Variants in DMD observed in about 807,000 individuals in gnomAD.
DMD encodes the protein mutant dystrophin.
Under a neutral mutation model 330.1 loss-of-function variants are expected in DMD, and 63 were observed. The ratio of observed to expected loss-of-function variants is 0.19; its 90% CI spans 0.16 to 0.24. The LOEUF (loss-of-function observed/expected upper bound fraction) is 0.24. DMD is among the 10% of genes least tolerant of loss of function. The pLI, the probability that DMD is intolerant of heterozygous loss-of-function variation, is 1.00. For synonymous variants in DMD, 1,223 were observed against 959.8 expected (o/e 1.27, Z -5.07); for missense variants, 3,344 against 2,684.1 (o/e 1.25, Z -5.43).
At chrX:32,967,168 C>A (rs994795848) in intron 2 of DMD, among the ~76,000 whole-genome samples, 2 of 111,704 alleles carry the variant, frequency 1.8e-5, no homozygotes, top group Non-Finnish European at 3.8e-5. Flanking sequence ...TCTCCTCTTT[C>A]ATCCCTCCCA....
intron 43 of DMD, among the ~76,000 whole-genome samples, chrX:32,231,996 T>C (rs1265426133): frequency 9.0e-6 from 1 of 111,471 alleles, no homozygotes; most frequent in African/African-American, 3.3e-5. Context: ...CACACAAATA[T>C]AGTATTATTG....
intron 60 of DMD, among the ~76,000 whole-genome samples, chrX:31,350,630 TGTGAGAGAGAGAGA>T (rs1463195123): frequency 0.02 from 968 of 47,461 alleles, 18 homozygotes; most frequent in African/African-American, 0.063. Context: ...TGTGTGTGTG[TGTGAGAGAGAGAGA>T]GAGAGAGAGA....
intron 1 of DMD, among the ~76,000 whole-genome samples, chrX:33,047,543 A>G (rs1034833900): frequency 1.7e-4 from 19 of 111,275 alleles, no homozygotes; most frequent in Admixed American, 1.3e-3. Flanking sequence ...TCATATTTTT[A>G]GGTTGGACAG....
At chrX:32,611,720 T>C (rs1173605622) in intron 12 of DMD, among the ~76,000 whole-genome samples, 1 of 111,590 alleles carries the variant, frequency 9.0e-6, no homozygotes, top group East Asian at 2.8e-4. Flanking sequence ...CTTTTGGAGC[T>C]CTTCTCCCTG....
intron 4 of DMD, among the ~76,000 whole-genome samples, chrX:32,833,597 CTT>C (rs1373636730): frequency 9.5e-6 from 1 of 105,380 alleles, no homozygotes; most frequent in Non-Finnish European, 1.9e-5. Flanking sequence ...AATTACGTAT[CTT>C]TTATCTGGCA....
At chrX:32,990,193 C>T (rs1230000738) in intron 2 of DMD, among the ~76,000 whole-genome samples, 3 of 111,536 alleles carry the variant, frequency 2.7e-5, no homozygotes, top group African/African-American at 9.8e-5. Flanking sequence ...ATAACATAAA[C>T]TTAAGAGTTT....
chrX:32,442,803 G>T (rs760328537), intron 27 of DMD, among the ~76,000 whole-genome samples: 2 of 110,413 alleles, frequency 1.8e-5, no homozygotes, highest in Admixed American at 1.9e-4. Context: ...GAATACAGAC[G>T]TGACAATGAA....
At chrX:33,107,102 A>G (rs773039922) in intron 1 of DMD, among the ~76,000 whole-genome samples, 1 of 112,043 alleles carries the variant, frequency 8.9e-6, no homozygotes, top group South Asian at 3.7e-4. Context: ...ACCTGAGGTC[A>G]GGAGTTCAAG....
chrX:32,740,817 T>C (rs775627051), intron 7 of DMD, among the ~76,000 whole-genome samples: 9 of 111,394 alleles, frequency 8.1e-5, no homozygotes, highest in Non-Finnish European at 1.7e-4. Context: ...ACTTGCTGGG[T>C]AAAATTTGTT....
intron 7 of DMD, among the ~76,000 whole-genome samples, chrX:32,748,027 C>T (rs1369323844): frequency 1.8e-5 from 2 of 111,275 alleles, no homozygotes; most frequent in Admixed American, 9.6e-5. Context: ...TGGTAATACA[C>T]GTATTTCCCT....
intron 43 of DMD, among the ~76,000 whole-genome samples, chrX:32,283,137 A>C (rs965637700): frequency 1.8e-5 from 2 of 111,678 alleles, no homozygotes; most frequent in Non-Finnish European, 3.8e-5. Flanking sequence ...CAGAGCAAAG[A>C]CATATATAGC....
intron 55 of DMD, among the ~76,000 whole-genome samples, chrX:31,608,315 T>G: frequency 8.9e-6 from 1 of 111,880 alleles, no homozygotes; most frequent in South Asian, 3.7e-4. Context: ...GAAGTGTGTG[T>G]ATCATCTCAA....
intron 43 of DMD, among the ~76,000 whole-genome samples, chrX:32,243,774 G>C (rs1468855708): frequency 9.0e-6 from 1 of 110,615 alleles, no homozygotes; most frequent in Non-Finnish European, 1.9e-5. Flanking sequence ...CCAGCACATC[G>C]ACTCAAGTTA....
intron 51 of DMD, among the ~76,000 whole-genome samples, chrX:31,758,785 CTGT>C (rs2089336867): frequency 8.9e-6 from 1 of 111,925 alleles, no homozygotes; most frequent in African/African-American, 3.2e-5. Flanking sequence ...TTAAGGATGA[CTGT>C]TATTTTGACT....
At chrX:32,121,620 CATATATAT>C (rs10535803) in intron 44 of DMD, among the ~76,000 whole-genome samples, 925 of 36,413 alleles carry the variant, frequency 0.025, 39 homozygotes, top group East Asian at 0.041. Context: ...AATATGTGTG[CATATATAT>C]ATATATATAT....
intron 52 of DMD, among the ~76,000 whole-genome samples, chrX:31,689,266 C>CAAAGTCTCAGGATATA (rs1236338195): frequency 8.0e-5 from 9 of 112,533 alleles, no homozygotes; most frequent in African/African-American, 2.9e-4. Context: ...GCAACTTCAG[C>CAAAGTCTCAGGATATA]AAAGTCTCAG....
At chrX:31,340,537 TA>T (rs1220311364) in intron 61 of DMD, among the ~76,000 whole-genome samples, 2 of 112,660 alleles carry the variant, frequency 1.8e-5, no homozygotes, top group Admixed American at 1.9e-4. Flanking sequence ...CTGTTATTTT[TA>T]TTTTATTTTG....
intron 7 of DMD, among the ~76,000 whole-genome samples, chrX:32,775,409 T>C (rs891374290): frequency 8.9e-6 from 1 of 112,762 alleles, no homozygotes; most frequent in Admixed American, 9.3e-5. Flanking sequence ...CCATGAGGAC[T>C]CCGCCCCTGC....
At chrX:32,086,296 T>C (rs1253945180) in intron 44 of DMD, among the ~76,000 whole-genome samples, 2 of 112,065 alleles carry the variant, frequency 1.8e-5, no homozygotes, top group Non-Finnish European at 3.8e-5. Context: ...TTATTGTATA[T>C]GCACTTTTAT....
Sources: allele counts gnomAD v4.1 joint callset (sites outside exome capture counted in the v4.1 genomes callset), GRCh38; gene constraint gnomAD v4.1.1; transcripts MANE v1.5; gene names NCBI Gene and HGNC (gene_info 2026-07-23, HGNC 2026-07-21).